COG5: variants seen among roughly 807,000 people sequenced by gnomAD.
COG5 encodes component of oligomeric golgi complex 5.
COG5 carries 86 observed loss-of-function variants against 110.4 expected under a neutral mutation model. The ratio of observed to expected loss-of-function variants is 0.78; its 90% CI spans 0.65 to 0.93. COG5 has a LOEUF of 0.93. Among genes scored for constraint, COG5 ranks in the 40% least tolerant of loss-of-function variants. The probability of loss-of-function intolerance (pLI) is 0.00; values close to 1 mark genes in which losing one functional copy is unlikely to be tolerated. For missense variants in COG5, 1,077 were observed against 987.0 expected (o/e 1.09, Z -1.22); for synonymous variants, 360 against 334.6 (o/e 1.08, Z -0.83).
chr7:107,399,350 T>C (rs1157457324), intron 7 of COG5, among the ~76,000 whole-genome samples: 3 of 152,198 alleles, frequency 2.0e-5, no homozygotes, highest in Non-Finnish European at 2.9e-5. Context: ...TCATCTTGAA[T>C]TGTAATCCTC....
intron 5 of COG5, among the ~76,000 whole-genome samples, chr7:107,544,784 A>G (rs918455257): frequency 1.3e-5 from 2 of 152,248 alleles, no homozygotes; most frequent in African/African-American, 2.4e-5. Context: ...AGGAACAAAC[A>G]TTAAAGATAT....
Position 107,503,189 on chromosome 7 carries a change from G to A in COG5, c.538+24048C>T, listed in dbSNP as rs111400357. Among the ~76,000 whole-genome samples, 11 of 152,138 alleles carry A rather than the reference G, an allele frequency of 7.2e-5. 3 individuals carry two copies. The highest frequency in any genetic ancestry group is 2.6e-4 in the African/African-American group (11 of 41,510). On this transcript the variant is annotated intron_variant, in intron 6 of 21. Transcript: ENST00000297135. ...GGGTTGATTTTTATATAAAGTGAGAGGGATACAGTTTCATTCTTCTACATG... is the reference window on the plus strand; with the variant it reads ...GGGTTGATTTTTATATAAAGTGAGAAGGATACAGTTTCATTCTTCTACATG...
intron 11 of COG5, among the ~76,000 whole-genome samples, chr7:107,322,503 G>A (rs77605964): frequency 0.16 from 23,818 of 152,008 alleles, 2,317 homozygotes; most frequent in Non-Finnish European, 0.22. Context: ...TTAGTCTAGT[G>A]GAAGCTAAAA....
intron 7 of COG5, among the ~76,000 whole-genome samples, chr7:107,391,625 T>C (rs1180731764): frequency 6.6e-6 from 1 of 152,230 alleles, no homozygotes; most frequent in African/African-American, 2.4e-5. Context: ...GTCTTACCTT[T>C]AGGTCTTTAA....
At chr7:107,321,214 T>C (rs537501380) in intron 11 of COG5, among the ~76,000 whole-genome samples, 1 of 152,194 alleles carries the variant, frequency 6.6e-6, no homozygotes, top group Non-Finnish European at 1.5e-5. Context: ...AAATAACATA[T>C]AGAATAGCAT....
chr7:107,434,558 T>A (rs962799467), intron 6 of COG5, among the ~76,000 whole-genome samples: 1 of 151,928 alleles, frequency 6.6e-6, no homozygotes, highest in African/African-American at 2.4e-5. Context: ...TAAGCAAACA[T>A]CACCTGCTCC....
intron 6 of COG5, among the ~76,000 whole-genome samples, chr7:107,435,531 C>T (rs1267119059): frequency 6.6e-6 from 1 of 151,706 alleles, no homozygotes; most frequent in South Asian, 2.1e-4. Flanking sequence ...CAGGCACCTG[C>T]AATCCTAGCT....
chr7:107,263,366 C>T (rs1234299653), intron 14 of COG5, among the ~76,000 whole-genome samples: 1 of 152,060 alleles, frequency 6.6e-6, no homozygotes, highest in Non-Finnish European at 1.5e-5. Context: ...AAAATTGTAC[C>T]AAGGTGCAAA....
chr7:107,415,216 T>C (rs1194645326), intron 6 of COG5, among the ~76,000 whole-genome samples: 2 of 152,044 alleles, frequency 1.3e-5, no homozygotes, highest in Non-Finnish European at 2.9e-5. Flanking sequence ...GTGCTGGAAG[T>C]TGAAAGGAAT....
chr7:107,211,086 C>G lies in COG5; in HGVS notation c.2295+13G>C. 6.2e-7 allele frequency: 1 copy of G among 1,613,848 alleles called. No individual in the cohort carries two copies. On this transcript the variant is annotated intron_variant, in intron 20 of 21. Transcript: ENST00000297135. ...GAGTCACAAAAGGGTTCTGGCTTGA[C>G]TTTATTTATTACCTGGAAAGGAGAT... is the stretch of plus-strand genomic sequence containing the variant.
chr7:107,387,997 G>A (rs79995987), intron 7 of COG5, among the ~76,000 whole-genome samples: 1 of 152,162 alleles, frequency 6.6e-6, no homozygotes, highest in African/African-American at 2.4e-5. Context: ...TGGCCCATTG[G>A]CTTATGGTAA....
intron 6 of COG5, among the ~76,000 whole-genome samples, chr7:107,484,261 T>C (rs1177540012): frequency 6.6e-6 from 1 of 151,850 alleles, no homozygotes; most frequent in Non-Finnish European, 1.5e-5. Context: ...AATGAAAAAA[T>C]AATAAAATCA....
At chr7:107,324,957 A>G (rs1411545795) in intron 10 of COG5, among the ~76,000 whole-genome samples, 2 of 152,196 alleles carry the variant, frequency 1.3e-5, no homozygotes, top group Non-Finnish European at 2.9e-5. Context: ...TACGGAGGGC[A>G]ATTTGTGTGA....
intron 10 of COG5, among the ~76,000 whole-genome samples, chr7:107,350,970 C>T (rs1437089465): frequency 6.6e-6 from 1 of 152,140 alleles, no homozygotes; most frequent in Non-Finnish European, 1.5e-5. Context: ...CAAAGATTCT[C>T]TTATTTTTCG....
intron 6 of COG5, among the ~76,000 whole-genome samples, chr7:107,509,291 G>A (rs1799299740): frequency 6.6e-6 from 1 of 152,138 alleles, no homozygotes; most frequent in South Asian, 2.1e-4. Context: ...GGAAGAAAGG[G>A]TACCAGTGAT....
intron 19 of COG5, among the ~76,000 whole-genome samples, chr7:107,212,406 C>T (rs1055150374): frequency 6.6e-6 from 1 of 152,156 alleles, no homozygotes; most frequent in Non-Finnish European, 1.5e-5. Flanking sequence ...CTGCAAGGTC[C>T]AAATAATTTC....
chr7:107,512,554 T>C (rs1369601618), intron 6 of COG5, among the ~76,000 whole-genome samples: 1 of 152,142 alleles, frequency 6.6e-6, no homozygotes, highest in Non-Finnish European at 1.5e-5. Flanking sequence ...TACTTTAAAC[T>C]TCATATGGAA....
chr7:107,547,787 A>G (rs1481444953), intron 5 of COG5, among the ~76,000 whole-genome samples: 1 of 144,706 alleles, frequency 6.9e-6, no homozygotes, highest in Non-Finnish European at 1.5e-5. Context: ...CATTTACAAT[A>G]GCTACAAAAA....
chr7:107,474,385 A>G lies in COG5; in HGVS notation c.538+52852T>C. ...AGTTATCCTTCTGCTTTCACTGGAGAGTAACACTGCTCTCATTTGCTGTTT... is the reference window on the plus strand; with the variant it reads ...AGTTATCCTTCTGCTTTCACTGGAGGGTAACACTGCTCTCATTTGCTGTTT... On this transcript the variant is annotated intron_variant, in intron 6 of 21. Coordinates refer to ENST00000297135, the MANE Select transcript of COG5 (RefSeq NM_006348.5). This position sits in a 1 kb window ranked among gnomAD's most constrained non-coding sequence, Gnocchi z 5.7. 2 of 1,612,718 alleles carry G rather than the reference A, an allele frequency of 1.2e-6. No individual in the cohort carries two copies. The highest frequency in any genetic ancestry group is 1.7e-6 in the Non-Finnish European group (2 of 1,178,960).
Sources: gnomAD v4.1 joint callset for allele counts (sites outside exome capture counted in the v4.1 genomes callset) on GRCh38, gnomAD v4.1.1 for gene constraint, Gnocchi (gnomAD v3.1) non-coding constraint, MANE v1.5 for transcripts, NCBI Gene and HGNC (gene_info 2026-07-23, HGNC 2026-07-21) for gene names.